CRTC3: variants seen among roughly 807,000 people sequenced by gnomAD.
The protein encoded by CRTC3 is CREB-regulated transcription coactivator 3.
CRTC3 carries 26 observed loss-of-function variants against 74.5 expected under a neutral mutation model. The observed-to-expected ratio is 0.35, with a 90% CI of 0.26 to 0.48. The LOEUF is 0.48. CRTC3 is among the 20% of genes least tolerant of loss of function. CRTC3 has a pLI of 0.99. For synonymous variants in CRTC3, 377 were observed against 325.8 expected, an observed-to-expected ratio of 1.16 and a Z score of -1.69; for missense variants, 760 against 787.3, an observed-to-expected ratio of 0.97 and a Z score of 0.41.
chr15:90,602,786 C>A (rs139294569), intron 4 of CRTC3, among the ~76,000 whole-genome samples: 3 of 149,400 alleles, frequency 2.0e-5, no homozygotes. Context: ...CCATCCTGGC[C>A]AACATCATGA....
intron 5 of CRTC3, chr15:90,606,835 CAT>C (rs1439024080): frequency 6.6e-6 from 1 of 152,286 alleles, no homozygotes; most frequent in Non-Finnish European, 1.5e-5. Flanking sequence ...GCGGTGGGGG[CAT>C]CACACCTCAC....
chr15:90,545,153 C>G, intron 2 of CRTC3, among the ~76,000 whole-genome samples: 1 of 152,110 alleles, frequency 6.6e-6, no homozygotes, highest in South Asian at 2.1e-4. Context: ...AGGGTTCACC[C>G]GTGTTATAGT....
intron 1 of CRTC3, among the ~76,000 whole-genome samples, chr15:90,539,223 C>T (rs1260733672): frequency 6.6e-6 from 1 of 152,142 alleles, no homozygotes; most frequent in East Asian, 1.9e-4. Context: ...CCAGATCAGA[C>T]CACTTTGAGA....
At chr15:90,639,002 G>A (rs1203945364) in intron 13 of CRTC3, among the ~76,000 whole-genome samples, 187 bp downstream of exon 13, 1 of 152,180 alleles carries the variant, frequency 6.6e-6, no homozygotes, top group Admixed American at 6.5e-5. Flanking sequence ...GCCTTATTTA[G>A]TATCAGGCTT....
chr15:90,586,432 T>A (rs1479635457), intron 2 of CRTC3, among the ~76,000 whole-genome samples: 1 of 138,854 alleles, frequency 7.2e-6, no homozygotes, highest in Admixed American at 7.8e-5. Context: ...AGTGGCACAA[T>A]CTCAGCTCAC....
At chr15:90,602,651 CAAA>C (rs1460229960) in intron 4 of CRTC3, among the ~76,000 whole-genome samples, 1 of 46,514 alleles carries the variant, frequency 2.1e-5, no homozygotes, top group South Asian at 9.7e-4. Context: ...AACAAACAAA[CAAA>C]ACAACAACAA....
chr15:90,625,213 CCGG>C (rs10523215), intron 9 of CRTC3, among the ~76,000 whole-genome samples: 39,789 of 152,040 alleles, frequency 0.26, 6,286 homozygotes, highest in African/African-American at 0.46. Flanking sequence ...AGGCCTGACC[CCGG>C]CGGACACACT....
chr15:90,634,232 C>G (rs1008794941), intron 11 of CRTC3, among the ~76,000 whole-genome samples: 1 of 151,966 alleles, frequency 6.6e-6, no homozygotes, highest in Non-Finnish European at 1.5e-5. Flanking sequence ...CTGGCCTCAG[C>G]CTCCCGAATA....
rs1230654140 is a variant in CRTC3 at position 90,629,502 on chromosome 15, C to T, written c.1236C>T (p.Thr412=). ...GTTTCAGCAGACAGCTGTCTTCAAC[C>T]AGCCCACTGGCCCCATATCCTACCT... ...HQGFSRQLSS[T]SPLAPYPTSQ... Residue 412 remains threonine, a synonymous_variant, in exon 11 of 15, where the codon ACC becomes ACT. Transcript: ENST00000268184. 4 of 1,614,128 alleles carry T rather than the reference C, an allele frequency of 2.5e-6. No individual in the cohort carries two copies. The highest frequency in any genetic ancestry group is 3.4e-6 in the Non-Finnish European group (4 of 1,180,022).
intron 9 of CRTC3, among the ~76,000 whole-genome samples, chr15:90,624,601 A>C (rs1415789833): frequency 6.6e-6 from 1 of 152,170 alleles, no homozygotes; most frequent in African/African-American, 2.4e-5. Flanking sequence ...CCTGACATGG[A>C]CAACTCCTGC....
rs572504405 is a variant in CRTC3, at chr15:90,529,959, G to C, written c.-113G>C. 24 of 856,160 alleles carry C rather than the reference G, an allele frequency of 2.8e-5. No individual in the cohort carries two copies. In the African/African-American group the frequency reaches 4.2e-4, roughly 15 times the overall value. The allele number at this position is 856,160 out of a possible 1,614,324, so 53.0% of individuals were successfully genotyped here. ...CGCGGCGGCTCCTCTGCCGGGTCGC[G>C]CCGGACGACTGGCTTCGGGCGGCGG... On this transcript the variant is annotated 5_prime_UTR_variant, in exon 1 of 15. Transcript: ENST00000268184.
chr15:90,548,931 T>C (rs1269382846), intron 2 of CRTC3, among the ~76,000 whole-genome samples: 1 of 152,194 alleles, frequency 6.6e-6, no homozygotes, highest in Non-Finnish European at 1.5e-5. Flanking sequence ...TATACCAAAA[T>C]TTATTCCCTA....
intron 2 of CRTC3, among the ~76,000 whole-genome samples, chr15:90,552,343 A>T (rs556352139): frequency 6.6e-6 from 1 of 152,364 alleles, no homozygotes; most frequent in East Asian, 1.9e-4. Context: ...AGACTATTCC[A>T]AAATGGTTCT....
chr15:90,610,819 G>A (rs1046635991), intron 6 of CRTC3, among the ~76,000 whole-genome samples: 3 of 152,130 alleles, frequency 2.0e-5, no homozygotes, highest in African/African-American at 7.2e-5. Context: ...GAGGGACTGG[G>A]GTGGTCTCTT....
intron 9 of CRTC3, among the ~76,000 whole-genome samples, chr15:90,622,925 C>T (rs1283681574): frequency 6.6e-6 from 1 of 152,210 alleles, no homozygotes; most frequent in Admixed American, 6.5e-5. Context: ...CCTTCTTCCT[C>T]ACCCTCCGGT....
rs531712709 is a variant in CRTC3, at chr15:90,605,981, C to T, written c.477-1397C>T. ...AGCCTTAAAAAACATGGAGGCCTGG[C>T]GCAGTGGCTCATGCCTGTCATCCCA... On this transcript the variant is annotated intron_variant, in intron 5 of 14. Transcript: ENST00000268184. Among the ~76,000 whole-genome samples, 77 of 152,338 alleles carry T rather than the reference C, an allele frequency of 5.1e-4. No homozygotes were observed. The East Asian group carries it at 6.9e-3, about 14-fold the overall frequency.
rs142262387 is a variant in CRTC3 at position 90,626,037 on chromosome 15, G to T, written c.967+44G>T. On this transcript the variant is annotated intron_variant, in intron 10 of 14. Transcript: ENST00000268184. ...GCAGTGACCTGGTGGCTTAATCATA[G>T]GTGGTCCCCACCCATGTGGCCTGTT... 589 of 1,488,528 alleles carry T rather than the reference G, an allele frequency of 4.0e-4. 2 individuals carry two copies. The African/African-American group carries it at 7.3e-3, about 19-fold the overall frequency. The allele number at this position is 1,488,528 out of a possible 1,614,324, so 92.2% of individuals were successfully genotyped here. A position where few individuals can be genotyped will look rare whatever the true frequency, so the allele number is the denominator to read the frequency against.
intron 9 of CRTC3, among the ~76,000 whole-genome samples, chr15:90,623,319 C>T (rs562719546): frequency 1.3e-5 from 2 of 152,316 alleles, no homozygotes; most frequent in Non-Finnish European, 2.9e-5. Flanking sequence ...TTGAGAATGT[C>T]GGTTGCCTCC....
chr15:90,584,673 A>T (rs905958014), intron 2 of CRTC3, among the ~76,000 whole-genome samples: 10 of 152,200 alleles, frequency 6.6e-5, no homozygotes, highest in Admixed American at 6.5e-4. Context: ...AAGAAGAACC[A>T]AGCAGCATCA....
Sources: allele counts gnomAD v4.1 joint callset (sites outside exome capture counted in the v4.1 genomes callset), GRCh38; gene constraint gnomAD v4.1.1; transcripts MANE v1.5; gene names NCBI Gene and HGNC (gene_info 2026-07-23, HGNC 2026-07-21).